Variants in ADAMTSL3 observed in about 807,000 individuals in gnomAD.
The protein encoded by ADAMTSL3 is ADAMTS like 3.
ADAMTSL3 carries 128 observed loss-of-function variants against 201.7 expected under a neutral mutation model. That is an observed-to-expected ratio of 0.63 (90% CI 0.55 to 0.73). The LOEUF is 0.73. Among genes scored for constraint, ADAMTSL3 ranks in the 30% least tolerant of loss-of-function variants. The pLI, the probability that ADAMTSL3 is intolerant of heterozygous loss-of-function variation, is 0.00. For missense variants in ADAMTSL3, 1,990 were observed against 2,119.6 expected, an observed-to-expected ratio of 0.94 and a Z score of 1.20; for synonymous variants, 738 against 748.4, an observed-to-expected ratio of 0.99 and a Z score of 0.23.
At position 83,991,089 on chromosome 15, in the gene ADAMTSL3, C is replaced by A; in HGVS notation, c.3848C>A (p.Ala1283Glu). The A allele has an allele frequency of 6.2e-7, 1 of 1,614,188 alleles. No individual in the cohort carries two copies. Among genetic ancestry groups the A allele is most frequent in the Non-Finnish European group, 8.5e-7 (1 of 1,180,016 alleles). ...VESSSVLYAE[A>E]PVILSVERNI... is the part of the protein sequence containing the mutation. ...TTCCTGCTCCCTTTGAATTAAGAGGCACCTGTCATCTTGTCTGTTGAAAGA... is the reference window on the plus strand; with the variant it reads ...TTCCTGCTCCCTTTGAATTAAGAGGAACCTGTCATCTTGTCTGTTGAAAGA... Residue 1283 changes from alanine (A) to glutamate (E), a missense_variant, in exon 23 of 30, where the codon GCA becomes GAA. Physicochemically the swap from Ala to Glu is moderately radical, Grantham distance 107. Coordinates refer to ENST00000286744, the MANE Select transcript of ADAMTSL3 (RefSeq NM_207517.3).
At chr15:83,903,969 A>AAGGGGGG (rs1567226227) in intron 15 of ADAMTSL3, among the ~76,000 whole-genome samples, 1 of 89,674 alleles carries the variant, frequency 1.1e-5, no homozygotes, top group African/African-American at 4.0e-5. Context: ...AGAAAGAAAG[A>AAGGGGGG]AAAGGAGCTA....
At chr15:83,858,923 A>G in intron 8 of ADAMTSL3, 83 bp downstream of exon 8, 1 of 1,211,464 alleles carries the variant, frequency 8.3e-7, no homozygotes, top group East Asian at 2.4e-5. Context: ...AAACCCACAA[A>G]CCAAACCAAC....
rs545562480 is a variant in ADAMTSL3, at chr15:83,684,026, G to A, written c.70-20363G>A. 2.0e-5 allele frequency among the ~76,000 whole-genome samples: 3 copies of A among 152,290 alleles called. No individual in the cohort carries two copies. The South Asian group carries it at 6.2e-4, about 32-fold the overall frequency. On this transcript the variant is annotated intron_variant, in intron 2 of 29. Transcript: ENST00000286744. ...ATATGTCCCCGGCTAAAAACTTCAC[G>A]TTGGTATTCCAACCTTAGAGCTTCA...
rs576641521 is a variant in ADAMTSL3, at chr15:83,930,115, G to A, written c.2117+6082G>A. On this transcript the variant is annotated intron_variant, in intron 17 of 29. Transcript: ENST00000286744. ...ACATGGGATAAAGCCTCAGTTCCACGTCTCTCAAGGAATTTCAGGTGAGTT... is the reference window on the plus strand; with the variant it reads ...ACATGGGATAAAGCCTCAGTTCCACATCTCTCAAGGAATTTCAGGTGAGTT... Among the ~76,000 whole-genome samples the A allele has an allele frequency of 8.5e-5, 13 of 152,218 alleles. No homozygotes were observed. The East Asian group carries it at 2.1e-3, about 25-fold the overall frequency.
At chr15:83,695,150 ATGTG>A (rs930022348) in intron 2 of ADAMTSL3, among the ~76,000 whole-genome samples, 1 of 41,508 alleles carries the variant, frequency 2.4e-5, no homozygotes, top group Non-Finnish European at 5.0e-5. Flanking sequence ...TGGTGTAGGT[ATGTG>A]TGTGTGTATG....
chr15:83,758,173 C>G (rs188037994), intron 3 of ADAMTSL3, among the ~76,000 whole-genome samples: 3 of 152,180 alleles, frequency 2.0e-5, no homozygotes, highest in African/African-American at 7.2e-5. Context: ...TGTATTAGTC[C>G]GTTTTCATGC....
Position 83,671,989 on chromosome 15 carries a change from A to G in ADAMTSL3, c.69+16159A>G, listed in dbSNP as rs562426028. 1.1e-4 allele frequency among the ~76,000 whole-genome samples: 16 copies of G among 152,336 alleles called. No individual in the cohort carries two copies. In the East Asian group the frequency reaches 2.9e-3, roughly 28 times the overall value. ...AAAGGATATTTAACGCCTTTGTGCA[A>G]CAAGCATTTCTCTTTATTACTAAGT... On this transcript the variant is annotated intron_variant, in intron 2 of 29. Transcript: ENST00000286744.
intron 23 of ADAMTSL3, among the ~76,000 whole-genome samples, chr15:84,002,593 C>T (rs143171257): frequency 1.3e-5 from 2 of 152,288 alleles, no homozygotes; most frequent in East Asian, 3.9e-4. Context: ...CATGCACCAT[C>T]ATTAGACCAA....
chr15:84,021,319 A>G, intron 25 of ADAMTSL3, 91 bp from the exon 26 acceptor site: 1 of 1,440,870 alleles, frequency 6.9e-7, no homozygotes, highest in South Asian at 1.3e-5. Flanking sequence ...AGAACCAAAA[A>G]ACATCTCATG....
intron 23 of ADAMTSL3, among the ~76,000 whole-genome samples, chr15:84,008,581 C>T (rs1001248077): frequency 6.6e-6 from 1 of 152,152 alleles, no homozygotes; most frequent in Non-Finnish European, 1.5e-5. Context: ...TACCCGAGGC[C>T]TCAGTCCTCA....
At chr15:83,942,088 A>C (rs2066572053) in intron 17 of ADAMTSL3, among the ~76,000 whole-genome samples, 1 of 152,122 alleles carries the variant, frequency 6.6e-6, no homozygotes, top group Admixed American at 6.5e-5. Context: ...TTATGAGAAA[A>C]CCTGATTTTT....
chr15:83,717,083 A>G (rs1294930762), intron 3 of ADAMTSL3, among the ~76,000 whole-genome samples: 1 of 152,208 alleles, frequency 6.6e-6, no homozygotes, highest in Non-Finnish European at 1.5e-5. Flanking sequence ...CTAATTCTGA[A>G]CACATGGTTC....
chr15:83,949,751 C>G (rs2066724921), intron 19 of ADAMTSL3, among the ~76,000 whole-genome samples: 1 of 152,170 alleles, frequency 6.6e-6, no homozygotes, highest in South Asian at 2.1e-4. Flanking sequence ...TCGCATTTCT[C>G]TGGTGATCAT....
chr15:83,881,323 C>A (rs966868643), intron 9 of ADAMTSL3, among the ~76,000 whole-genome samples: 1 of 152,184 alleles, frequency 6.6e-6, no homozygotes, highest in African/African-American at 2.4e-5. Context: ...ACACCTGACA[C>A]CTTGGAAGGC....
intron 3 of ADAMTSL3, among the ~76,000 whole-genome samples, chr15:83,725,736 A>G (rs1439151416): frequency 6.6e-6 from 1 of 151,966 alleles, no homozygotes; most frequent in Non-Finnish European, 1.5e-5. Context: ...TGGGTTCTCT[A>G]TTCCTTTGGT....
chr15:83,955,530 G>A (rs997505162), intron 19 of ADAMTSL3, among the ~76,000 whole-genome samples: 2 of 151,976 alleles, frequency 1.3e-5, no homozygotes, highest in Non-Finnish European at 2.9e-5. Context: ...GCTGTTACCC[G>A]AAGCCAGCAT....
chr15:83,891,639 T>C (rs1013389511), intron 12 of ADAMTSL3, among the ~76,000 whole-genome samples: 3 of 152,178 alleles, frequency 2.0e-5, no homozygotes, highest in African/African-American at 7.2e-5. Context: ...GGAGCTCAAG[T>C]GTTGCAATTA....
intron 4 of ADAMTSL3, among the ~76,000 whole-genome samples, chr15:83,792,965 A>G (rs2063366172): frequency 6.6e-6 from 1 of 152,244 alleles, no homozygotes; most frequent in Non-Finnish European, 1.5e-5. Flanking sequence ...ATGGTTAAAG[A>G]AAATGGTATA....
intron 9 of ADAMTSL3, among the ~76,000 whole-genome samples, chr15:83,871,718 A>G (rs1250684003): frequency 6.6e-6 from 1 of 152,188 alleles, no homozygotes; most frequent in African/African-American, 2.4e-5. Flanking sequence ...GACATGAAGT[A>G]TAGTGGCCAA....
Sources: gnomAD v4.1 joint callset for allele counts (sites outside exome capture counted in the v4.1 genomes callset) on GRCh38, gnomAD v4.1.1 for gene constraint, MANE v1.5 for transcripts, NCBI Gene and HGNC (gene_info 2026-07-23, HGNC 2026-07-21) for gene names.